The following GALNT17 variants were observed in gnomAD, a reference collection of about 807,000 sequenced individuals.
GALNT17 encodes the protein polypeptide N-acetylgalactosaminyltransferase 17.
In GALNT17, 29 loss-of-function variants were observed where a neutral mutation model predicts 63.7. The ratio of observed to expected loss-of-function variants is 0.46; its 90% confidence interval spans 0.34 to 0.62. The LOEUF is 0.62. Ranked by LOEUF, GALNT17 falls within the 20% of genes least tolerant of loss-of-function variation. The pLI is 0.01. For synonymous variants in GALNT17, 305 were observed against 318.3 expected, an observed-to-expected ratio of 0.96 and a Z score of 0.45; for missense variants, 603 against 799.6, an observed-to-expected ratio of 0.75 and a Z score of 2.97.
intron 5 of GALNT17, among the ~76,000 whole-genome samples, chr7:71,512,292 C>T (rs911503219): frequency 1.3e-5 from 2 of 152,098 alleles, no homozygotes; most frequent in Non-Finnish European, 2.9e-5. Flanking sequence ...AAGTATGAGC[C>T]ACTGTGCCCG....
chr7:71,256,269 A>T (rs118020294), intron 1 of GALNT17, among the ~76,000 whole-genome samples: 1,740 of 152,310 alleles, frequency 0.011, 16 homozygotes, highest in Non-Finnish European at 0.017. Context: ...GTCTCCCTAC[A>T]ATGTATAAAA....
chr7:71,707,325 G>T (rs1463286139), intron 9 of GALNT17, among the ~76,000 whole-genome samples: 1 of 152,052 alleles, frequency 6.6e-6, no homozygotes, highest in Admixed American at 6.6e-5. Flanking sequence ...CTCCCTCTCA[G>T]GAGTGTGAAA....
intron 1 of GALNT17, among the ~76,000 whole-genome samples, chr7:71,331,349 G>T (rs1791804414): frequency 6.6e-6 from 1 of 152,098 alleles, no homozygotes; most frequent in African/African-American, 2.4e-5. Context: ...TTCTGCAACA[G>T]GTCTCATAAT....
At position 71,584,944 on chromosome 7, in the gene GALNT17, C is replaced by T. The variant is rs562978154; in HGVS notation, c.1080+13542C>T. On this transcript the variant is annotated intron_variant, in intron 6 of 10. Coordinates refer to ENST00000333538, the MANE Select transcript of GALNT17 (RefSeq NM_022479.3). ...TAATTTTTTGTATTTTTAGTAGAGACGGGGTCTTCTCACCTTTATTAATTT... is the reference window on the plus strand; with the variant it reads ...TAATTTTTTGTATTTTTAGTAGAGATGGGGTCTTCTCACCTTTATTAATTT... Among the ~76,000 whole-genome samples the T allele has an allele frequency of 5.1e-4, 77 of 152,092 alleles. No homozygotes were observed. The South Asian group carries it at 0.014, about 28-fold the overall frequency.
chr7:71,546,161 CTTT>C (rs34711093), intron 5 of GALNT17, among the ~76,000 whole-genome samples: 8 of 136,588 alleles, frequency 5.9e-5, no homozygotes, highest in East Asian at 2.2e-4. Flanking sequence ...TTGAGGGACA[CTTT>C]TTTTTTTTTT....
rs1791162071 is a variant in GALNT17 at position 71,677,108 on chromosome 7, T to G, written c.1405-103T>G. 2.4e-5 allele frequency: 28 copies of G among 1,144,634 alleles called. No individual in the cohort carries two copies. The South Asian group carries it at 3.3e-4, about 14-fold the overall frequency. 70.9% of individuals were successfully genotyped at this position (1,144,634 alleles called of 1,614,324 possible). A position where few individuals can be genotyped will look rare whatever the true frequency, so the allele number is the denominator to read the frequency against. On this transcript the variant is annotated intron_variant, in intron 8 of 10. Transcript: ENST00000333538. ...TCCTCACTTAGAGGCTCGTGTTGTC[T>G]TCCCATCATGAAGTTGGAACCAAGC...
At chr7:71,351,214 A>T (rs1336994972) in intron 2 of GALNT17, among the ~76,000 whole-genome samples, 2 of 152,122 alleles carry the variant, frequency 1.3e-5, no homozygotes, top group Non-Finnish European at 2.9e-5. Context: ...GGACAGAAAG[A>T]ATAGTGCCTA....
chr7:71,668,290 G>A (rs1459265810), intron 7 of GALNT17, among the ~76,000 whole-genome samples: 1 of 152,108 alleles, frequency 6.6e-6, no homozygotes, highest in East Asian at 1.9e-4. Context: ...GCCGAGGCGG[G>A]CAGATCACCT....
intron 9 of GALNT17, among the ~76,000 whole-genome samples, chr7:71,701,842 TGTATATATATATACAC>T (rs1562742454): frequency 2.0e-4 from 13 of 63,716 alleles, no homozygotes; most frequent in African/African-American, 1.2e-3. Context: ...TATATATATG[TGTATATATATATACAC>T]ATATATATAT....
At chr7:71,181,714 A>T (rs1788738533) in intron 1 of GALNT17, among the ~76,000 whole-genome samples, 1 of 151,978 alleles carries the variant, frequency 6.6e-6, no homozygotes, top group African/African-American at 2.4e-5. Context: ...ATAAAAAAGT[A>T]AAAATAAAAA....
intron 1 of GALNT17, among the ~76,000 whole-genome samples, chr7:71,319,084 C>T (rs902696872): frequency 1.6e-4 from 7 of 43,360 alleles, no homozygotes; most frequent in Non-Finnish European, 3.7e-4. Context: ...GCTTGCTGAG[C>T]TATTTTTGTT....
intron 9 of GALNT17, among the ~76,000 whole-genome samples, chr7:71,681,995 C>T (rs542872823): frequency 1.3e-5 from 2 of 152,014 alleles, no homozygotes; most frequent in South Asian, 2.1e-4. Flanking sequence ...GGCGCGATCT[C>T]GGGTCACTGC....
In GALNT17 at chr7:71,176,906, G is replaced by A. The variant is rs181556729; in HGVS notation, c.238+43866G>A. ...TGCTGGAACCTAAAAGAATTTGAAT[G>A]TGCATTAAATGCCATGCCTGCCCTA... On this transcript the variant is annotated intron_variant, in intron 1 of 10. Transcript: ENST00000333538. Among the ~76,000 whole-genome samples the A allele has an allele frequency of 1.9e-4, 29 of 152,300 alleles. No homozygotes were observed. The East Asian group carries it at 4.1e-3, about 21-fold the overall frequency.
At chr7:71,632,221 G>A (rs1318934906) in intron 6 of GALNT17, among the ~76,000 whole-genome samples, 2 of 152,324 alleles carry the variant, frequency 1.3e-5, no homozygotes, top group East Asian at 3.9e-4. Context: ...CTTTTCCACT[G>A]TGGAGCAGGC....
intron 6 of GALNT17, among the ~76,000 whole-genome samples, chr7:71,632,921 T>G (rs147621144): frequency 6.6e-6 from 1 of 151,730 alleles, no homozygotes; most frequent in Non-Finnish European, 1.5e-5. Flanking sequence ...ATGGCCAACA[T>G]AGCAAAACCC....
At position 71,608,946 on chromosome 7, in the gene GALNT17, A is replaced by ATTTTT. The variant is rs766905822; in HGVS notation, c.1080+37554_1080+37558dup. 3.6e-4 allele frequency among the ~76,000 whole-genome samples: 51 copies of ATTTTT among 140,624 alleles called. No homozygotes were observed. The South Asian group carries it at 8.2e-3, about 23-fold the overall frequency. The allele number at this position is 140,624 out of a possible 152,430, so 92.3% of individuals were successfully genotyped here. A position where few individuals can be genotyped will look rare whatever the true frequency, so the allele number is the denominator to read the frequency against. On this transcript the variant is annotated intron_variant, in intron 6 of 10. Coordinates refer to ENST00000333538, the MANE Select transcript of GALNT17 (RefSeq NM_022479.3). ...AGGTGCTTACCACCACTCCCAGCTA[A>ATTTTT]TTTTTTTTTTTTTTGGTAGCGATGG...
chr7:71,487,923 T>G (rs1218790367), intron 5 of GALNT17, among the ~76,000 whole-genome samples: 1 of 152,026 alleles, frequency 6.6e-6, no homozygotes, highest in Admixed American at 6.6e-5. Flanking sequence ...ATTCCAGTGA[T>G]TCAGGAGGCT....
chr7:71,376,509 C>A (rs1316486366), intron 2 of GALNT17, among the ~76,000 whole-genome samples: 1 of 121,856 alleles, frequency 8.2e-6, no homozygotes, highest in Non-Finnish European at 1.6e-5. Context: ...ATTTACTGAA[C>A]TGAGAATCTG....
chr7:71,596,106 T>C (rs970086221), intron 6 of GALNT17, among the ~76,000 whole-genome samples: 1 of 152,172 alleles, frequency 6.6e-6, no homozygotes, highest in African/African-American at 2.4e-5. Context: ...TGGCACAATC[T>C]CAGCTCACTG....
Sources: gnomAD v4.1 joint callset for allele counts (sites outside exome capture counted in the v4.1 genomes callset) on GRCh38, gnomAD v4.1.1 for gene constraint, MANE v1.5 for transcripts, NCBI Gene and HGNC (gene_info 2026-07-23, HGNC 2026-07-21) for gene names.